RYR3: variants seen among roughly 807,000 people sequenced by gnomAD.
RYR3 encodes the protein ryanodine receptor 3.
In RYR3, 207 loss-of-function variants were observed where a neutral mutation model predicts 584.3. That is an observed-to-expected ratio of 0.35 (90% CI 0.32 to 0.40). The LOEUF (loss-of-function observed/expected upper bound fraction) is 0.40, where lower values mean the gene tolerates loss of function less well. RYR3 is among the 10% of genes least tolerant of loss of function. The probability of loss-of-function intolerance (pLI) is 1.00; values close to 1 mark genes in which losing one functional copy is unlikely to be tolerated. For missense variants in RYR3, 5,616 were observed against 6,089.2 expected, an observed-to-expected ratio of 0.92 and a Z score of 2.59; for synonymous variants, 2,416 against 2,248.5, an observed-to-expected ratio of 1.07 and a Z score of -2.11.
intron 65 of RYR3, among the ~76,000 whole-genome samples, chr15:33,783,289 A>C (rs1377498871): frequency 6.6e-6 from 1 of 152,150 alleles, no homozygotes; most frequent in Non-Finnish European, 1.5e-5. Flanking sequence ...TTGCACTTTG[A>C]GAATTATTGA....
intron 1 of RYR3, among the ~76,000 whole-genome samples, chr15:33,384,458 ATAT>A (rs1173730390): frequency 3.6e-5 from 5 of 137,014 alleles, no homozygotes; most frequent in Admixed American, 1.6e-4. Flanking sequence ...TATAATTATA[ATAT>A]TATATTATAA....
chr15:33,749,071 A>T (rs34836946), intron 55 of RYR3, among the ~76,000 whole-genome samples: 14,227 of 152,244 alleles, frequency 0.093, 899 homozygotes, highest in East Asian at 0.26. Flanking sequence ...TTCAAGCTAC[A>T]ATTGGTTGAA....
intron 19 of RYR3, among the ~76,000 whole-genome samples, chr15:33,617,763 C>CGAAGAGCAAAGCTACAT (rs57905366): frequency 0.17 from 25,627 of 151,874 alleles, 2,325 homozygotes; most frequent in East Asian, 0.22. Flanking sequence ...CAGCCGTCAT[C>CGAAGAGCAAAGCTACAT]GAAGAGCAAA....
At chr15:33,687,107 G>T (rs894938415) in intron 38 of RYR3, among the ~76,000 whole-genome samples, 22 of 152,160 alleles carry the variant, frequency 1.4e-4, no homozygotes, top group Non-Finnish European at 3.2e-4. Flanking sequence ...TATTCAATTA[G>T]GAAAAGAGGA....
At chr15:33,637,645 C>A (rs1340784210) in intron 27 of RYR3, among the ~76,000 whole-genome samples, 1 of 152,258 alleles carries the variant, frequency 6.6e-6, no homozygotes, top group African/African-American at 2.4e-5. Flanking sequence ...AACAATACAA[C>A]TGCATAGGCA....
At chr15:33,417,667 C>G (rs921140473) in intron 1 of RYR3, among the ~76,000 whole-genome samples, 1 of 152,010 alleles carries the variant, frequency 6.6e-6, no homozygotes, top group Non-Finnish European at 1.5e-5. Flanking sequence ...TATTCGTATG[C>G]CTTTTATTTA....
At chr15:33,420,942 CTGG>C (rs1249146997) in intron 1 of RYR3, among the ~76,000 whole-genome samples, 1 of 151,964 alleles carries the variant, frequency 6.6e-6, no homozygotes, top group Non-Finnish European at 1.5e-5. Flanking sequence ...ATGCAGTGTG[CTGG>C]AGACTGAGGA....
At chr15:33,848,599 C>G (rs2078876458) in intron 94 of RYR3, among the ~76,000 whole-genome samples, 178 bp downstream of exon 94, 1 of 152,170 alleles carries the variant, frequency 6.6e-6, no homozygotes, top group African/African-American at 2.4e-5. Context: ...GTATAGACTT[C>G]TATTAGTTTA....
intron 1 of RYR3, among the ~76,000 whole-genome samples, chr15:33,318,394 C>G (rs1324203293): frequency 6.6e-6 from 1 of 152,202 alleles, no homozygotes; most frequent in Non-Finnish European, 1.5e-5. Context: ...TCAAGAAATT[C>G]CCCCTATTAA....
intron 1 of RYR3, among the ~76,000 whole-genome samples, chr15:33,374,181 A>G (rs140137179): frequency 1.1e-3 from 160 of 152,322 alleles, no homozygotes; most frequent in Non-Finnish European, 1.6e-3. Context: ...TTTTAAAGAA[A>G]AAAAAGCCAA....
intron 42 of RYR3, among the ~76,000 whole-genome samples, chr15:33,705,927 C>A (rs901977015): frequency 6.6e-6 from 1 of 152,212 alleles, no homozygotes; most frequent in Non-Finnish European, 1.5e-5. Context: ...CCCAGATGTA[C>A]GCTAGCTAGG....
At chr15:33,583,855 C>A (rs1217207050) in intron 14 of RYR3, among the ~76,000 whole-genome samples, 1 of 151,904 alleles carries the variant, frequency 6.6e-6, no homozygotes, top group Non-Finnish European at 1.5e-5. Context: ...AGTTCGAGAC[C>A]AGCCTGGCCA....
intron 1 of RYR3, among the ~76,000 whole-genome samples, chr15:33,325,647 CCTTTT>C (rs1469148693): frequency 1.3e-5 from 2 of 151,554 alleles, no homozygotes; most frequent in South Asian, 2.1e-4. Context: ...TCCTCTCTTT[CCTTTT>C]CTTTTCTTTT....
At chr15:33,860,470 T>G in intron 100 of RYR3, 125 bp from the exon 101 acceptor site, 1 of 557,152 alleles carries the variant, frequency 1.8e-6, no homozygotes, top group Non-Finnish European at 3.2e-6. Flanking sequence ...CGAGTATTAT[T>G]TTTCTAATTT....
intron 1 of RYR3, among the ~76,000 whole-genome samples, chr15:33,327,744 C>A (rs1482764783): frequency 1.3e-5 from 2 of 152,126 alleles, no homozygotes; most frequent in Non-Finnish European, 2.9e-5. Context: ...CCATCTCTAT[C>A]TCTCTCTCTT....
intron 3 of RYR3, among the ~76,000 whole-genome samples, chr15:33,523,915 A>AG (rs2054200765): frequency 6.6e-6 from 1 of 152,130 alleles, no homozygotes; most frequent in East Asian, 1.9e-4. Flanking sequence ...CCAAGGGTAA[A>AG]GAAAGACTCT....
intron 1 of RYR3, among the ~76,000 whole-genome samples, chr15:33,402,271 C>T (rs890600723): frequency 7.9e-5 from 12 of 152,076 alleles, no homozygotes; most frequent in African/African-American, 2.9e-4. Context: ...CAAGAGTGTT[C>T]CTGATAGAAT....
At chr15:33,559,805 C>T (rs979999043) in intron 10 of RYR3, among the ~76,000 whole-genome samples, 1 of 152,274 alleles carries the variant, frequency 6.6e-6, no homozygotes, top group East Asian at 1.9e-4. Flanking sequence ...TACTGAAATA[C>T]TGTAATATAC....
chr15:33,398,817 C>A (rs967984902), intron 1 of RYR3, among the ~76,000 whole-genome samples: 3 of 152,176 alleles, frequency 2.0e-5, no homozygotes, highest in African/African-American at 7.2e-5. Context: ...GAGAGCGAGG[C>A]TCTGGCCTGG....
Sources: allele counts gnomAD v4.1 joint callset (sites outside exome capture counted in the v4.1 genomes callset), GRCh38; gene constraint gnomAD v4.1.1; transcripts MANE v1.5; gene names NCBI Gene and HGNC (gene_info 2026-07-23, HGNC 2026-07-21).